COL22A1: variants seen among roughly 807,000 people sequenced by gnomAD.
COL22A1 encodes collagen alpha-1(XXII) chain.
Under a neutral mutation model 248.9 loss-of-function variants are expected in COL22A1, and 221 were observed. The ratio of observed to expected loss-of-function variants is 0.89; its 90% confidence interval spans 0.80 to 0.99. The LOEUF (loss-of-function observed/expected upper bound fraction) is 0.99, where lower values mean the gene tolerates loss of function less well. Ranked by LOEUF, COL22A1 falls within the 50% of genes least tolerant of loss-of-function variation. The pLI is 0.00. For synonymous variants in COL22A1, 891 were observed against 793.4 expected (o/e 1.12, Z -2.07); for missense variants, 2,240 against 2,179.0 (o/e 1.03, Z -0.56).
intron 12 of COL22A1, among the ~76,000 whole-genome samples, chr8:138,793,435 T>C (rs1320296974): frequency 6.6e-6 from 1 of 152,124 alleles, no homozygotes; most frequent in African/African-American, 2.4e-5. Context: ...GAGGACTTTA[T>C]GCATCATCTC....
At chr8:138,607,836 G>A (rs59376288) in intron 57 of COL22A1, 100 bp downstream of exon 57, 37,257 of 1,157,372 alleles carry the variant, frequency 0.032, 773 homozygotes, top group Non-Finnish European at 0.036. Context: ...TGTCCCCACC[G>A]ATGCTTCTAG....
chr8:138,867,860 G>A (rs1823015256), intron 3 of COL22A1, among the ~76,000 whole-genome samples: 1 of 152,168 alleles, frequency 6.6e-6, no homozygotes, highest in African/African-American at 2.4e-5. Flanking sequence ...TGACTCCCTG[G>A]TTCAAGCGAG....
chr8:138,831,322 C>T (rs944334623), intron 5 of COL22A1, among the ~76,000 whole-genome samples: 2 of 152,204 alleles, frequency 1.3e-5, no homozygotes, highest in Non-Finnish European at 2.9e-5. Context: ...ATTCATTCAG[C>T]AAATATTTCC....
At chr8:138,602,190 C>G (rs1189076032) in intron 59 of COL22A1, 31 bp from the exon 60 acceptor site, 1 of 1,612,742 alleles carries the variant, frequency 6.2e-7, no homozygotes, top group South Asian at 1.1e-5. Context: ...CAGTCATTGC[C>G]CCGGGCCCTC....
Position 138,809,528 on chromosome 8 carries a change from C to CTTTTTCTTTTTTTTTTT in COL22A1, c.1450-1717_1450-1716insAAAAAAAAAAAGAAAAA, listed in dbSNP as rs1554633655. ...TTTCTTCTTCTCTTTTTTTCTTTTTCTTTTTTTTTTGAGACAGAGTCTCAC... is the reference window on the plus strand; with the variant it reads ...TTTCTTCTTCTCTTTTTTTCTTTTTCTTTTTCTTTTTTTTTTTTTTTTTTTTTGAGACAGAGTCTCAC... On this transcript the variant is annotated intron_variant, in intron 9 of 64. Coordinates refer to ENST00000303045, the MANE Select transcript of COL22A1 (RefSeq NM_152888.3). Among the ~76,000 whole-genome samples, 11 of 117,630 alleles carry CTTTTTCTTTTTTTTTTT rather than the reference C, an allele frequency of 9.4e-5. 1 individual carries two copies. The highest frequency in any genetic ancestry group is 2.7e-4 in the African/African-American group (8 of 30,110). The allele number at this position is 117,630 out of a possible 152,430, so 77.2% of individuals were successfully genotyped here.
Position 138,612,297 on chromosome 8 carries a change from G to A in COL22A1, c.3978+1570C>T, listed in dbSNP as rs183547554. ...AGCTGCCTTTCTGTGATGGCCCCTG[G>A]GCTTAAATGGGATAATTTATGCTTT... On this transcript the variant is annotated intron_variant, in intron 56 of 64. Coordinates refer to ENST00000303045, the MANE Select transcript of COL22A1 (RefSeq NM_152888.3). Among the ~76,000 whole-genome samples, 1,149 of 152,096 alleles carry A rather than the reference G, an allele frequency of 7.6e-3. 5 individuals are homozygous for A. Among genetic ancestry groups the A allele is most frequent in the Non-Finnish European group, 0.011 (720 of 68,012 alleles).
At chr8:138,734,047 G>C (rs1306560591) in intron 23 of COL22A1, among the ~76,000 whole-genome samples, 1 of 152,140 alleles carries the variant, frequency 6.6e-6, no homozygotes, top group Admixed American at 6.5e-5. Flanking sequence ...AACTGACCCT[G>C]CCTCGCCCTT....
At chr8:138,677,112 G>A (rs1825624129) in intron 40 of COL22A1, among the ~76,000 whole-genome samples, 1 of 152,206 alleles carries the variant, frequency 6.6e-6, no homozygotes, top group Admixed American at 6.5e-5. Flanking sequence ...GTGGGAGGAG[G>A]AGCCTAAAGG....
At chr8:138,647,539 A>T (rs1270055583) in intron 46 of COL22A1, among the ~76,000 whole-genome samples, 1 of 152,210 alleles carries the variant, frequency 6.6e-6, no homozygotes, top group Non-Finnish European at 1.5e-5. Context: ...CTTTACAAAT[A>T]TACGTGCATG....
chr8:138,755,711 T>C, intron 19 of COL22A1, 74 bp downstream of exon 19: 1 of 1,482,506 alleles, frequency 6.7e-7, no homozygotes. Flanking sequence ...GCCTTATTCT[T>C]AGAGGTGAAG....
intron 18 of COL22A1, 100 bp from the exon 19 acceptor site, chr8:138,755,929 A>C: frequency 1.0e-6 from 1 of 963,232 alleles, no homozygotes; most frequent in South Asian, 1.3e-5. Flanking sequence ...AGGGGACCAC[A>C]CCCCTCCCTG....
At chr8:138,752,089 G>A (rs984740967) in intron 21 of COL22A1, among the ~76,000 whole-genome samples, 2 of 152,194 alleles carry the variant, frequency 1.3e-5, no homozygotes, top group Admixed American at 6.5e-5. Context: ...GTCACTTGGT[G>A]CCGTTAAACC....
chr8:138,697,580 A>G (rs1001583706), intron 32 of COL22A1, among the ~76,000 whole-genome samples: 12 of 152,274 alleles, frequency 7.9e-5, no homozygotes, highest in African/African-American at 2.6e-4. Flanking sequence ...TCACCTCATC[A>G]GGTGCAGCCA....
intron 35 of COL22A1, among the ~76,000 whole-genome samples, chr8:138,692,258 G>GCATGCGTGTATGCATGTT (rs1564201694): frequency 9.3e-4 from 26 of 28,060 alleles, no homozygotes; most frequent in African/African-American, 2.9e-3. Context: ...GTATGTGTGC[G>GCATGCGTGTATGCATGTT]TGTGTGCATG....
intron 16 of COL22A1, among the ~76,000 whole-genome samples, chr8:138,773,105 C>G (rs1422599963): frequency 6.6e-6 from 1 of 152,190 alleles, no homozygotes; most frequent in African/African-American, 2.4e-5. Context: ...TTTTGCACTT[C>G]AGATTAGTGC....
chr8:138,798,444 T>C (rs1393396427), intron 11 of COL22A1, among the ~76,000 whole-genome samples: 1 of 152,044 alleles, frequency 6.6e-6, no homozygotes, highest in Non-Finnish European at 1.5e-5. Context: ...TTGGAGTTAT[T>C]TTCTTAGAGG....
intron 3 of COL22A1, 101 bp from the exon 4 acceptor site, chr8:138,844,259 T>C: frequency 1.9e-6 from 2 of 1,055,382 alleles, no homozygotes; most frequent in Non-Finnish European, 3.0e-6. Flanking sequence ...CCTTGCAGCA[T>C]GTGAGGTGTT....
chr8:138,627,404 T>A (rs1472993546), intron 50 of COL22A1, among the ~76,000 whole-genome samples: 1 of 152,338 alleles, frequency 6.6e-6, no homozygotes, highest in Non-Finnish European at 1.5e-5. Flanking sequence ...TGATTTTGCA[T>A]TAAATGTTTG....
Position 138,883,894 on chromosome 8 carries a change from C to G in COL22A1, c.-72-650G>C, listed in dbSNP as rs988454252. On this transcript the variant is annotated intron_variant, in intron 1 of 64. Transcript: ENST00000303045. The stretch of plus-strand genomic sequence containing the variant: ...GCATGAAAATGGACTAATACACCAC[C>G]TAAAATCGTTCAGTGTCACCGTCCT... Among the ~76,000 whole-genome samples the G allele has an allele frequency of 3.9e-5, 6 of 152,132 alleles. No individual in the cohort carries two copies. In the East Asian group the frequency reaches 1.2e-3, roughly 29 times the overall value.
Sources: gnomAD v4.1 joint callset for allele counts (sites outside exome capture counted in the v4.1 genomes callset) on GRCh38, gnomAD v4.1.1 for gene constraint, MANE v1.5 for transcripts, NCBI Gene and HGNC (gene_info 2026-07-23, HGNC 2026-07-21) for gene names.